The following BYSL variants were observed in gnomAD, a reference collection of about 807,000 sequenced individuals.
BYSL encodes bystin like.
A neutral mutation model predicts 45.4 loss-of-function variants in BYSL; 21 were observed. The ratio of observed to expected loss-of-function variants is 0.46; its 90% CI spans 0.33 to 0.67. The LOEUF is 0.67. Ranked by LOEUF, BYSL falls within the 30% of genes least tolerant of loss-of-function variation. The probability of loss-of-function intolerance (pLI) is 0.02; values close to 1 mark genes in which losing one functional copy is unlikely to be tolerated. For synonymous variants in BYSL, 215 were observed against 231.3 expected, an observed-to-expected ratio of 0.93 and a Z score of 0.64; for missense variants, 522 against 578.5, an observed-to-expected ratio of 0.90 and a Z score of 1.00.
At chr6:41,918,180 A>G (rs1775364758), upstream of BYSL, among the ~76,000 whole-genome samples, 1 of 152,182 alleles carries the variant, frequency 6.6e-6, no homozygotes, top group South Asian at 2.1e-4. Context: ...CGATAGTCCT[A>G]TGAAGGTGTG....
chr6:41,909,560 T>A, the BYSL span: 1 of 1,604,096 alleles, frequency 6.2e-7, no homozygotes, highest in Non-Finnish European at 8.5e-7. Flanking sequence ...ATCAAGACTT[T>A]CACTGGCAAA....
upstream of BYSL, chr6:41,917,900 A>G (rs1472548257): frequency 1.8e-5 from 7 of 392,472 alleles, no homozygotes; most frequent in Non-Finnish European, 4.0e-5. Context: ...CATCACAGAA[A>G]GTGCTATTCA....
At chr6:41,920,352 G>GGAA (rs1212902012), upstream of BYSL, among the ~76,000 whole-genome samples, 2 of 152,130 alleles carry the variant, frequency 1.3e-5, no homozygotes, top group Non-Finnish European at 2.9e-5. Context: ...GATGGCTGAG[G>GGAA]GAAGAGCAGG....
intron 2 of BYSL, among the ~76,000 whole-genome samples, chr6:41,928,850 A>G (rs191913357): frequency 6.6e-5 from 10 of 152,268 alleles, no homozygotes; most frequent in African/African-American, 1.2e-4. Context: ...TCCGTGTCCT[A>G]TAAGTGTTGC....
At chr6:41,923,720 C>CTG (rs1274284013) in intron 1 of BYSL, among the ~76,000 whole-genome samples, 19 of 152,308 alleles carry the variant, frequency 1.2e-4, no homozygotes, top group Middle Eastern at 3.4e-3. Context: ...CAGGTGTGAG[C>CTG]TACTGCACCC....
the BYSL span, among the ~76,000 whole-genome samples, chr6:41,912,352 CTTTTTT>C: frequency 1.1e-5 from 1 of 87,624 alleles, no homozygotes; most frequent in Non-Finnish European, 2.1e-5. Context: ...GACCATAGTA[CTTTTTT>C]TTTTTTTTTT....
At chr6:41,925,557 G>T (rs1320396896) in intron 1 of BYSL, among the ~76,000 whole-genome samples, 1 of 151,946 alleles carries the variant, frequency 6.6e-6, no homozygotes, top group African/African-American at 2.4e-5. Context: ...TAGAGACGGG[G>T]TTTCACCGTG....
At chr6:41,929,409 G>A (rs1775605931) in intron 2 of BYSL, among the ~76,000 whole-genome samples, 1 of 152,174 alleles carries the variant, frequency 6.6e-6, no homozygotes, top group Non-Finnish European at 1.5e-5. Context: ...GAGGCGGGAA[G>A]ATCGCTTGAG....
chr6:41,909,846 C>A, the BYSL span, among the ~76,000 whole-genome samples: 1 of 152,210 alleles, frequency 6.6e-6, no homozygotes, highest in Non-Finnish European at 1.5e-5. Flanking sequence ...TAAAGTCTAA[C>A]TCCCACAGAC....
the BYSL span, chr6:41,909,654 G>A: frequency 1.9e-5 from 25 of 1,334,000 alleles, no homozygotes; most frequent in African/African-American, 3.2e-4. Flanking sequence ...GGTTGGGGGT[G>A]AGGGGAATCC....
Position 41,932,698 on chromosome 6 carries a change from G to T in BYSL, c.1306G>T (p.Val436Leu). The change falls in exon 7 of 7, where the codon GTG becomes TTG. Residue 436 changes from valine to leucine, a missense_variant. Transcript: ENST00000230340. This position sits in a 1 kb window ranked among gnomAD's most constrained non-coding sequence, Gnocchi z 4.7. ...CGATGTGGAAGATGTTCCCATCACCGTGGAGTGAGGAAAACAGTCAGCTGT... is the reference window on the plus strand; with the variant it reads ...CGATGTGGAAGATGTTCCCATCACCTTGGAGTGAGGAAAACAGTCAGCTGT... ...PRDVEDVPITVE is the reference protein window; with the variant it reads ...PRDVEDVPITLE 6.2e-7 allele frequency: 1 copy of T among 1,606,090 alleles called. No homozygotes were observed. The highest frequency in any genetic ancestry group is 8.5e-7 in the Non-Finnish European group (1 of 1,174,128).
intron 3 of BYSL, 112 bp downstream of exon 3, chr6:41,930,382 A>G (rs1226810603): frequency 5.8e-5 from 82 of 1,411,666 alleles, no homozygotes; most frequent in Non-Finnish European, 5.6e-5. Context: ...TCATGGGAGT[A>G]GAAAACAGAC....
At chr6:41,931,341 G>C (rs1225136769) in intron 4 of BYSL, 55 bp from the exon 5 acceptor site, 1 of 1,592,990 alleles carries the variant, frequency 6.3e-7, no homozygotes, top group Admixed American at 1.7e-5. Flanking sequence ...TATTTAATGG[G>C]CCGGGTCCAG....
At chr6:41,916,823 TCA>T, upstream of BYSL, 3 of 1,614,086 alleles carry the variant, frequency 1.9e-6, no homozygotes, top group Non-Finnish European at 2.5e-6. Context: ...ATGGTAAGTC[TCA>T]CAGTCCACAC....
chr6:41,911,067 C>G, the BYSL span, among the ~76,000 whole-genome samples: 1 of 150,812 alleles, frequency 6.6e-6, no homozygotes, highest in Non-Finnish European at 1.5e-5. Flanking sequence ...CGAGATCGTG[C>G]CACTGCACTC....
At position 41,932,780 on chromosome 6, in the gene BYSL, A is replaced by C. The variant is rs757192938; in HGVS notation, c.*74A>C. ...ACCCCCGTTGGTGACTGAAGATGAC[A>C]CTGAGCTTTAATGGCTGAAGACCCA... On this transcript the variant is annotated 3_prime_UTR_variant, in exon 7 of 7. Transcript: ENST00000230340. The surrounding 1 kb of genome is among the most constrained non-coding windows in gnomAD (Gnocchi z 4.7). 1.3e-4 allele frequency: 187 copies of C among 1,454,802 alleles called. No individual in the cohort carries two copies. The highest frequency in any genetic ancestry group is 1.7e-4 in the Non-Finnish European group (182 of 1,074,290). The allele number at this position is 1,454,802 out of a possible 1,614,324, so 90.1% of individuals were successfully genotyped here.
In BYSL at chr6:41,932,805, A is replaced by G; in HGVS notation, c.*99A>G. 2 of 1,242,462 alleles carry G rather than the reference A, an allele frequency of 1.6e-6. No homozygotes were observed. The highest frequency in any genetic ancestry group is 2.5e-5 in the Admixed American group (1 of 40,638). 77.0% of individuals were successfully genotyped at this position (1,242,462 alleles called of 1,614,324 possible). A position where few individuals can be genotyped will look rare whatever the true frequency, so the allele number is the denominator to read the frequency against. ...ACTGAGCTTTAATGGCTGAAGACCC[A>G]GATCAGGGCAGTGACAGATCACAGG... On this transcript the variant is annotated 3_prime_UTR_variant, in exon 7 of 7. Transcript: ENST00000230340. This position sits in a 1 kb window ranked among gnomAD's most constrained non-coding sequence, Gnocchi z 4.7.
chr6:41,922,893 T>C (rs1193265325), intron 1 of BYSL, among the ~76,000 whole-genome samples: 2 of 152,190 alleles, frequency 1.3e-5, no homozygotes, highest in African/African-American at 2.4e-5. Context: ...TAGCATATTC[T>C]TTCATTTGCT....
Position 41,930,264 on chromosome 6 carries a change from C to T in BYSL, c.564C>T (p.Val188=), listed in dbSNP as rs750764154. ...DPRVLEVYRG[V]REVLSKYRSG... is the part of the protein sequence containing the mutation. ...GGGTCCTAGAAGTGTACAGGGGGGT[C>T]CGGGAGGTAAGAGCTGAGAGGGGAG... The change falls in exon 3 of 7, where the codon GTC becomes GTT. Residue 188 remains valine, a synonymous_variant. Transcript: ENST00000230340. 6.2e-7 allele frequency: 1 copy of T among 1,613,804 alleles called. No individual in the cohort carries two copies. Among genetic ancestry groups the T allele is most frequent in the Non-Finnish European group, 8.5e-7 (1 of 1,179,820 alleles).
Sources: gnomAD v4.1 joint callset for allele counts (sites outside exome capture counted in the v4.1 genomes callset) on GRCh38, gnomAD v4.1.1 for gene constraint, Gnocchi (gnomAD v3.1) non-coding constraint, MANE v1.5 for transcripts, NCBI Gene and HGNC (gene_info 2026-07-23, HGNC 2026-07-21) for gene names.